Variants in TENM2 observed in about 807,000 individuals in gnomAD.
TENM2 encodes the protein teneurin transmembrane protein 2, also known as teneurin-2.
In TENM2, 52 loss-of-function variants were observed where a neutral mutation model predicts 245.2. The ratio of observed to expected loss-of-function variants is 0.21; its 90% confidence interval spans 0.17 to 0.27. The LOEUF (loss-of-function observed/expected upper bound fraction) is 0.27, where lower values mean the gene tolerates loss of function less well. Among genes scored for constraint, TENM2 ranks in the 10% least tolerant of loss-of-function variants. TENM2 has a pLI of 1.00. For missense variants in TENM2, 3,046 were observed against 3,666.8 expected (o/e 0.83, Z 4.37); for synonymous variants, 1,363 against 1,438.9 (o/e 0.95, Z 1.19).
chr5:167,621,352 T>C (rs1014728817), intron 2 of TENM2, among the ~76,000 whole-genome samples: 6 of 152,126 alleles, frequency 3.9e-5, no homozygotes, highest in African/African-American at 1.4e-4. Context: ...GTAGGGACAT[T>C]TGAGCTGAAA....
At chr5:167,408,402 A>G (rs1762741053) in intron 2 of TENM2, among the ~76,000 whole-genome samples, 1 of 152,040 alleles carries the variant, frequency 6.6e-6, no homozygotes, top group Non-Finnish European at 1.5e-5. Context: ...TAGATGACAA[A>G]TTCTTACTCT....
chr5:167,866,565 G>A (rs1050970441), intron 2 of TENM2, among the ~76,000 whole-genome samples: 2 of 151,780 alleles, frequency 1.3e-5, no homozygotes, highest in Non-Finnish European at 2.9e-5. Flanking sequence ...AGAGAGATAT[G>A]AGGAGAGAAT....
At chr5:167,248,427 G>T in the TENM2 span, among the ~76,000 whole-genome samples, 1,420 of 152,218 alleles carry the variant, frequency 9.3e-3, 22 homozygotes, top group African/African-American at 0.033. Flanking sequence ...CAGATTGCAG[G>T]CCCCGCCCCC....
the TENM2 span, among the ~76,000 whole-genome samples, chr5:167,185,040 A>C: frequency 2.0e-5 from 3 of 152,046 alleles, no homozygotes; most frequent in Admixed American, 2.0e-4. Flanking sequence ...TCACCTGCTC[A>C]CCTCCTGCTG....
intron 2 of TENM2, among the ~76,000 whole-genome samples, chr5:167,670,513 G>A (rs572608282): frequency 6.7e-6 from 1 of 149,840 alleles, no homozygotes; most frequent in South Asian, 2.1e-4. Flanking sequence ...TTTTTTCTGT[G>A]CACTGAAAGA....
At chr5:167,466,136 C>T (rs1224321946) in intron 2 of TENM2, among the ~76,000 whole-genome samples, 1 of 152,168 alleles carries the variant, frequency 6.6e-6, no homozygotes, top group African/African-American at 2.4e-5. Context: ...GGAGATAAAG[C>T]TCGTTCCTAC....
intron 2 of TENM2, among the ~76,000 whole-genome samples, chr5:167,640,842 C>CATATATATATATATCCATATATATAT (rs1561628529): frequency 9.3e-5 from 7 of 75,486 alleles, no homozygotes; most frequent in Non-Finnish European, 2.0e-4. Flanking sequence ...TATATATATC[C>CATATATATATATATCCATATATATAT]ATATATATAT....
intron 2 of TENM2, among the ~76,000 whole-genome samples, chr5:167,785,698 C>T (rs1162785367): frequency 6.6e-6 from 1 of 152,212 alleles, no homozygotes; most frequent in Non-Finnish European, 1.5e-5. Flanking sequence ...CCATAATAAA[C>T]TGCCAAAATA....
At chr5:167,298,710 G>A (rs1487369481) in intron 1 of TENM2, among the ~76,000 whole-genome samples, 1 of 152,244 alleles carries the variant, frequency 6.6e-6, no homozygotes, top group African/African-American at 2.4e-5. Context: ...CATCTAATTA[G>A]AGAGTGCCTA....
the TENM2 span, among the ~76,000 whole-genome samples, chr5:167,121,151 G>T: frequency 6.6e-6 from 1 of 152,062 alleles, no homozygotes; most frequent in Admixed American, 6.5e-5. Context: ...TTTAGTGCTA[G>T]ATTTTTAATT....
At chr5:167,008,675 G>A in the TENM2 span, among the ~76,000 whole-genome samples, 1 of 152,042 alleles carries the variant, frequency 6.6e-6, no homozygotes, top group African/African-American at 2.4e-5. Context: ...TCTTCCATTT[G>A]TCATTTGTTT....
chr5:168,204,407 C>T (rs753338166), exon 19 of TENM2: 1 of 1,613,974 alleles, frequency 6.2e-7, no homozygotes, highest in South Asian at 1.1e-5. Context: ...AAACCAGTTC[C>T]TGACCCAGCA....
At chr5:167,749,843 T>C (rs1761840965) in intron 2 of TENM2, among the ~76,000 whole-genome samples, 1 of 152,132 alleles carries the variant, frequency 6.6e-6, no homozygotes, top group Non-Finnish European at 1.5e-5. Flanking sequence ...CTAAATCTTA[T>C]AAACCATGTA....
intron 9 of TENM2, among the ~76,000 whole-genome samples, chr5:168,099,178 A>G (rs1034427918): frequency 6.6e-6 from 1 of 152,048 alleles, no homozygotes; most frequent in East Asian, 1.9e-4. Context: ...CCAAAGTGCT[A>G]GGATTACAGG....
intron 9 of TENM2, among the ~76,000 whole-genome samples, chr5:168,100,924 TAAA>T (rs11307488): frequency 3.6e-5 from 5 of 138,476 alleles, no homozygotes; most frequent in Admixed American, 2.1e-4. Flanking sequence ...CAAGTATAAT[TAAA>T]AAAAAAAAAA....
chr5:168,016,014 C>G (rs1785620833), intron 5 of TENM2, among the ~76,000 whole-genome samples: 1 of 152,276 alleles, frequency 6.6e-6, no homozygotes, highest in African/African-American at 2.4e-5. Flanking sequence ...TATTCCCCTC[C>G]TTCTGCACTG....
the TENM2 span, among the ~76,000 whole-genome samples, chr5:167,128,513 A>G: frequency 2.0e-5 from 3 of 151,642 alleles, no homozygotes. Context: ...TGGCCCACAG[A>G]TCTCACTTTG....
the TENM2 span, among the ~76,000 whole-genome samples, chr5:167,188,872 A>G: frequency 1.3e-5 from 2 of 152,194 alleles, no homozygotes; most frequent in African/African-American, 2.4e-5. Flanking sequence ...CAAACTATGC[A>G]GGGAGAAATT....
upstream of TENM2, among the ~76,000 whole-genome samples, chr5:167,284,096 A>T (rs1260125194): frequency 6.6e-6 from 1 of 152,186 alleles, no homozygotes; most frequent in Non-Finnish European, 1.5e-5. Context: ...TAGGCAGAAG[A>T]AGTAACCAGG....
Sources: gnomAD v4.1 joint callset for allele counts (sites outside exome capture counted in the v4.1 genomes callset) on GRCh38, gnomAD v4.1.1 for gene constraint, MANE v1.5 for transcripts, NCBI Gene and HGNC (gene_info 2026-07-23, HGNC 2026-07-21) for gene names.